The following GYG2 variants were observed in gnomAD, a reference collection of about 807,000 sequenced individuals.
GYG2 encodes glycogenin 2.
In GYG2, 29 loss-of-function variants were observed where a neutral mutation model predicts 29.4. That is an observed-to-expected ratio of 0.99 (90% CI 0.74 to 1.35). The LOEUF (loss-of-function observed/expected upper bound fraction) is 1.35, where lower values mean the gene tolerates loss of function less well. Ranked by LOEUF, GYG2 falls within the 40% of genes most tolerant of loss-of-function variation. The probability of loss-of-function intolerance (pLI) is 0.00; values close to 1 mark genes in which losing one functional copy is unlikely to be tolerated. For missense variants in GYG2, 370 were observed against 385.7 expected (o/e 0.96, Z 0.34); for synonymous variants, 167 against 172.3 (o/e 0.97, Z 0.24).
At chrX:2,856,937 C>A (rs2088016545) in intron 6 of GYG2, among the ~76,000 whole-genome samples, 1 of 107,818 alleles carries the variant, frequency 9.3e-6, no homozygotes, top group African/African-American at 3.4e-5. Context: ...ATATAGTTAT[C>A]TACCTATATA....
rs1167244756 is a variant in GYG2, at chrX:2,859,961, C to T, written c.733C>T (p.Gln245Ter). The change falls in exon 7 of 11, where the codon CAG (glutamine) becomes TAG (stop). Residue 245 changes from glutamine to a stop codon, truncating the protein, a stop_gained. Transcript: ENST00000398806. LOFTEE classifies it high-confidence loss of function. ...AGGCTCAGCGTCCAGCAGCCAGCAC[C>T]AGGCGGCATTCCTTCATCTCTGGTG... The part of the protein sequence containing the change: ...EQGSASSSQH[Q>*]AAFLHLWWTV... 8.3e-7 allele frequency: 1 copy of T among 1,202,957 alleles called. No homozygotes were observed. The highest frequency in any genetic ancestry group is 1.8e-5 in the South Asian group (1 of 56,191).
chrX:2,867,699 G>T (rs62582327), intron 8 of GYG2, among the ~76,000 whole-genome samples: 2 of 111,354 alleles, frequency 1.8e-5, no homozygotes, highest in South Asian at 7.6e-4. Flanking sequence ...ATGGGAGGAA[G>T]GGATGGAGGT....
chrX:2,834,092 G>A (rs2087323480), intron 2 of GYG2, among the ~76,000 whole-genome samples: 1 of 112,490 alleles, frequency 8.9e-6, no homozygotes, highest in Non-Finnish European at 1.9e-5. Context: ...GCTACGCTGT[G>A]AGGAATGCAG....
chrX:2,857,486 A>G (rs1336095043), intron 6 of GYG2, among the ~76,000 whole-genome samples: 1 of 110,362 alleles, frequency 9.1e-6, no homozygotes, highest in Non-Finnish European at 1.9e-5. Context: ...ATCTATCTAG[A>G]TCTATCTAGA....
In GYG2 at chrX:2,848,547, GAA is replaced by G. The variant is rs10689220; in HGVS notation, c.149+5204_149+5205del. On this transcript the variant is annotated intron_variant, in intron 3 of 10. Transcript: ENST00000398806. The stretch of plus-strand genomic sequence containing the variant: ...AGCGAGACTCTGTCAAAAAAGAAGG[GAA>G]AAAAAAAAAACCTGACTATATTAAG... 4.2e-3 allele frequency among the ~76,000 whole-genome samples: 415 copies of G among 99,163 alleles called. 3 individuals are homozygous for G. Among genetic ancestry groups the G allele is most frequent in the East Asian group, 0.022 (69 of 3,156 alleles). The allele number at this position is 99,163 out of a possible 115,157, so 86.1% of individuals were successfully genotyped here. A position where few individuals can be genotyped will look rare whatever the true frequency, so the allele number is the denominator to read the frequency against.
rs1569055998 is a variant in GYG2 at position 2,844,489 on chromosome X, TGCACGCGTGTGCGTATATATGTGTATAC to T, written c.149+1140_149+1167del. On this transcript the variant is annotated intron_variant, in intron 3 of 10. Coordinates refer to ENST00000398806, the MANE Select transcript of GYG2 (RefSeq NM_001079855.2). Reference sequence around the variant, plus strand: ...ACACGTATGCATATATATGTGTATATGCACGCGTGTGCGTATATATGTGTATACGCACACGCATGCGTATATATGTGTA... The same window carrying T: ...ACACGTATGCATATATATGTGTATATGCACACGCATGCGTATATATGTGTA... Among the ~76,000 whole-genome samples the T allele has an allele frequency of 6.3e-4, 68 of 108,066 alleles. 1 individual carries two copies. Among genetic ancestry groups the T allele is most frequent in the African/African-American group, 2.2e-3 (66 of 29,742 alleles). The allele number at this position is 108,066 out of a possible 115,157, so 93.8% of individuals were successfully genotyped here. A position where few individuals can be genotyped will look rare whatever the true frequency, so the allele number is the denominator to read the frequency against.
chrX:2,831,780 G>T (rs969774170), intron 2 of GYG2, among the ~76,000 whole-genome samples: 2 of 111,440 alleles, frequency 1.8e-5, no homozygotes, highest in African/African-American at 6.5e-5. Flanking sequence ...TTATTTTGGG[G>T]GGTGATCAGA....
At chrX:2,881,027 A>G in intron 10 of GYG2, 25 bp from the exon 11 acceptor site, 4 of 1,204,210 alleles carry the variant, frequency 3.3e-6, no homozygotes, top group Non-Finnish European at 4.5e-6. Flanking sequence ...TGCAAAAACC[A>G]TCTCCCACTG....
At chrX:2,840,982 TGATA>T (rs201411752) in intron 2 of GYG2, among the ~76,000 whole-genome samples, 1,285 of 92,198 alleles carry the variant, frequency 0.014, 9 homozygotes, top group Middle Eastern at 0.038. Flanking sequence ...GATAGATATA[TGATA>T]GATAGATGAA....
At chrX:2,839,760 A>C (rs764572206) in intron 2 of GYG2, among the ~76,000 whole-genome samples, 1 of 112,090 alleles carries the variant, frequency 8.9e-6, no homozygotes, top group Non-Finnish European at 1.9e-5. Context: ...TGTCATGTGA[A>C]ATTTACTGTG....
intron 3 of GYG2, among the ~76,000 whole-genome samples, chrX:2,849,951 C>A (rs768841620): frequency 5.9e-4 from 65 of 110,351 alleles, no homozygotes; most frequent in Admixed American, 4.8e-3. Context: ...CTCATCTCTA[C>A]TAAAAAATTT....
intron 5 of GYG2, among the ~76,000 whole-genome samples, chrX:2,855,854 G>A (rs1028693958): frequency 1.8e-5 from 2 of 112,196 alleles, no homozygotes; most frequent in African/African-American, 6.5e-5. Context: ...GAGCTCAGGA[G>A]CTCAAGCCTA....
intron 3 of GYG2, among the ~76,000 whole-genome samples, chrX:2,853,262 G>C (rs1008285444): frequency 9.0e-6 from 1 of 111,379 alleles, no homozygotes; most frequent in Non-Finnish European, 1.9e-5. Flanking sequence ...CCAGGTTGGA[G>C]TGCAGTGGTG....
At chrX:2,839,215 C>A (rs1233267978) in intron 2 of GYG2, among the ~76,000 whole-genome samples, 5 of 111,311 alleles carry the variant, frequency 4.5e-5, no homozygotes, top group African/African-American at 1.6e-4. Flanking sequence ...TCTGATTTTG[C>A]CCCTGGTGAT....
chrX:2,872,306 C>T lies in GYG2; in HGVS notation c.1039-3504C>T, dbSNP rs1438559846. The stretch of plus-strand genomic sequence containing the variant: ...AGCTTGCCAAAAATGTTCTTAAGAG[C>T]GGACTTTGAGATTGCTGCATTCTCA... On this transcript the variant is annotated intron_variant, in intron 8 of 10. Coordinates refer to ENST00000398806, the MANE Select transcript of GYG2 (RefSeq NM_001079855.2). 5.3e-5 allele frequency among the ~76,000 whole-genome samples: 6 copies of T among 112,365 alleles called. No homozygotes were observed. In the South Asian group the frequency reaches 1.1e-3, roughly 21 times the overall value.
chrX:2,869,677 G>A (rs768317240), intron 8 of GYG2, among the ~76,000 whole-genome samples: 19 of 112,125 alleles, frequency 1.7e-4, no homozygotes, highest in Admixed American at 1.0e-3. Context: ...ACAGGGTCTC[G>A]CTCTGTTGCC....
At chrX:2,831,940 C>G (rs1344399530) in intron 2 of GYG2, among the ~76,000 whole-genome samples, 1 of 112,390 alleles carries the variant, frequency 8.9e-6, no homozygotes, top group Non-Finnish European at 1.9e-5. Context: ...GACAGGTTTT[C>G]TTGCTGTTTT....
At chrX:2,839,410 C>T (rs1169320393) in intron 2 of GYG2, among the ~76,000 whole-genome samples, 1 of 110,985 alleles carries the variant, frequency 9.0e-6, no homozygotes, top group Non-Finnish European at 1.9e-5. Flanking sequence ...AGCTCCACAT[C>T]CACCATCTTT....
intron 2 of GYG2, among the ~76,000 whole-genome samples, chrX:2,841,429 CGGAT>C (rs994985798): frequency 1.3e-4 from 14 of 106,039 alleles, no homozygotes; most frequent in Non-Finnish European, 2.3e-4. Flanking sequence ...GATGGATGGA[CGGAT>C]GGATGGATGG....
Sources: gnomAD v4.1 joint callset for allele counts (sites outside exome capture counted in the v4.1 genomes callset) on GRCh38, gnomAD v4.1.1 for gene constraint, MANE v1.5 for transcripts, NCBI Gene and HGNC (gene_info 2026-07-23, HGNC 2026-07-21) for gene names.